The following NBAS variants were observed in gnomAD, a reference collection of about 807,000 sequenced individuals.
The protein encoded by NBAS is NBAS subunit of NRZ tethering complex.
In NBAS, 219 loss-of-function variants were observed where a neutral mutation model predicts 302.5. That is an observed-to-expected ratio of 0.72 (90% confidence interval 0.65 to 0.81). NBAS has a LOEUF of 0.81. Among genes scored for constraint, NBAS ranks in the 30% least tolerant of loss-of-function variants. The pLI is 0.00. For synonymous variants in NBAS, 1,118 were observed against 1,021.6 expected (o/e 1.09, Z -1.80); for missense variants, 2,932 against 2,841.6 (o/e 1.03, Z -0.72).
At chr2:15,102,401 A>G in the NBAS span, among the ~76,000 whole-genome samples, 2 of 152,180 alleles carry the variant, frequency 1.3e-5, no homozygotes, top group African/African-American at 4.8e-5. Context: ...CAATTAGGCA[A>G]TGTTTGAGGA....
intron 6 of NBAS, among the ~76,000 whole-genome samples, chr2:15,543,161 A>C (rs1663931492): frequency 6.6e-6 from 1 of 152,214 alleles, no homozygotes; most frequent in Non-Finnish European, 1.5e-5. Flanking sequence ...TGCATGGTGA[A>C]ATCAAGTCTA....
rs138595393 is a variant in NBAS at position 15,273,408 on chromosome 2, G to C, written c.5724+2076C>G. On this transcript the variant is annotated intron_variant, in intron 44 of 51. Coordinates refer to ENST00000281513, the MANE Select transcript of NBAS (RefSeq NM_015909.4). ...ATGCTCAGGGCTCTCTGGTTCCACTGCTCTCCCACAGTTTCTCAAATGGTT... is the reference window on the plus strand; with the variant it reads ...ATGCTCAGGGCTCTCTGGTTCCACTCCTCTCCCACAGTTTCTCAAATGGTT... Among the ~76,000 whole-genome samples the C allele has an allele frequency of 5.4e-3, 818 of 152,284 alleles. 4 individuals are homozygous for C. Among genetic ancestry groups the C allele is most frequent in the African/African-American group, 0.017 (703 of 41,556 alleles).
Position 15,366,301 on chromosome 2 carries a change from G to A in NBAS, c.3817+279C>T, listed in dbSNP as rs141871964. ...CCTGAATAAGCTTGTCTTCGTTTAA[G>A]TAATAGATAGTTCCAGAAGCTCAAT... On this transcript the variant is annotated intron_variant, in intron 32 of 51. Transcript: ENST00000281513. Among the ~76,000 whole-genome samples, 447 of 152,294 alleles carry A rather than the reference G, an allele frequency of 2.9e-3. 1 individual carries two copies. The highest frequency in any genetic ancestry group is 0.01 in the African/African-American group (418 of 41,572).
chr2:15,370,033 C>T (rs1363564932), intron 31 of NBAS, among the ~76,000 whole-genome samples: 3 of 152,178 alleles, frequency 2.0e-5, no homozygotes, highest in South Asian at 2.1e-4. Flanking sequence ...AGGTGTAACA[C>T]GCAGGAGTCA....
intron 48 of NBAS, among the ~76,000 whole-genome samples, chr2:15,206,749 A>G (rs1181116447): frequency 6.6e-6 from 1 of 152,242 alleles, no homozygotes; most frequent in Non-Finnish European, 1.5e-5. Flanking sequence ...CCAAGCCCCA[A>G]GACTTGGTGG....
intron 22 of NBAS, among the ~76,000 whole-genome samples, 198 bp from the exon 23 acceptor site, chr2:15,424,666 C>T (rs1489075626): frequency 6.6e-6 from 1 of 152,096 alleles, no homozygotes; most frequent in East Asian, 1.9e-4. Context: ...AATTTATTTT[C>T]CCCCCGTTTT....
At chr2:15,015,225 T>C in the NBAS span, among the ~76,000 whole-genome samples, 1 of 150,194 alleles carries the variant, frequency 6.7e-6, no homozygotes, top group East Asian at 1.9e-4. Flanking sequence ...AAAGTAATAC[T>C]AATTATTCTC....
At chr2:15,541,766 C>T (rs1159162316) in intron 6 of NBAS, among the ~76,000 whole-genome samples, 1 of 147,914 alleles carries the variant, frequency 6.8e-6, no homozygotes, top group Non-Finnish European at 1.5e-5. Flanking sequence ...GGGGGGTCAG[C>T]CCCCCGCCCA....
intron 51 of NBAS, among the ~76,000 whole-genome samples, chr2:15,168,015 C>A (rs1036898172): frequency 2.6e-5 from 4 of 152,152 alleles, no homozygotes; most frequent in African/African-American, 9.7e-5. Flanking sequence ...AAAACGGTTT[C>A]ATAGGTTCTT....
intron 21 of NBAS, among the ~76,000 whole-genome samples, chr2:15,434,745 A>C (rs1677928315): frequency 1.3e-5 from 2 of 152,222 alleles, no homozygotes. Context: ...GGTTGCCAGT[A>C]TTCCATTCAG....
At chr2:15,408,792 T>C (rs528194695) in intron 25 of NBAS, among the ~76,000 whole-genome samples, 41 of 152,324 alleles carry the variant, frequency 2.7e-4, no homozygotes, top group African/African-American at 8.9e-4. Flanking sequence ...TCTGAATCTA[T>C]AAAATGCGAA....
intron 28 of NBAS, among the ~76,000 whole-genome samples, chr2:15,384,159 T>G (rs928096054): frequency 1.3e-5 from 2 of 152,218 alleles, no homozygotes; most frequent in African/African-American, 2.4e-5. Context: ...TATAATCTGG[T>G]TGATTAAAAA....
chr2:14,989,204 C>T, the NBAS span, among the ~76,000 whole-genome samples: 2 of 151,702 alleles, frequency 1.3e-5, no homozygotes, highest in Admixed American at 6.6e-5. Context: ...TTTGTGTTTA[C>T]TGAATTGTAA....
chr2:15,136,994 G>C, the NBAS span, among the ~76,000 whole-genome samples: 2 of 152,100 alleles, frequency 1.3e-5, no homozygotes, highest in Non-Finnish European at 2.9e-5. Flanking sequence ...AAATTACCTA[G>C]TCTCAGGTAG....
intron 35 of NBAS, among the ~76,000 whole-genome samples, chr2:15,345,614 CA>C (rs2148281403): frequency 6.6e-6 from 1 of 152,292 alleles, no homozygotes; most frequent in South Asian, 2.1e-4. Flanking sequence ...CTATTCCCAT[CA>C]AACTACCACT....
chr2:15,319,576 T>C (rs1390196160), intron 38 of NBAS, among the ~76,000 whole-genome samples: 1 of 151,658 alleles, frequency 6.6e-6, no homozygotes, highest in African/African-American at 2.4e-5. Context: ...TCACCACCGA[T>C]CCCACAGAAA....
At chr2:14,796,919 C>CAAAAA in the NBAS span, among the ~76,000 whole-genome samples, 10,523 of 86,106 alleles carry the variant, frequency 0.12, 610 homozygotes, top group Non-Finnish European at 0.16. Flanking sequence ...CTAAAAAATA[C>CAAAAA]AAAAAAAAAA....
chr2:15,541,618 ATT>A (rs1466480669), intron 6 of NBAS, among the ~76,000 whole-genome samples: 9 of 152,088 alleles, frequency 5.9e-5, no homozygotes, highest in Non-Finnish European at 1.2e-4. Flanking sequence ...AGTCTAATTA[ATT>A]TTATTAAAGC....
chr2:14,797,217 C>T, the NBAS span, among the ~76,000 whole-genome samples: 1 of 152,162 alleles, frequency 6.6e-6, no homozygotes, highest in Admixed American at 6.5e-5. Flanking sequence ...CCCCTCTCCG[C>T]TGAGAGATGT....
Sources: allele counts gnomAD v4.1 joint callset (sites outside exome capture counted in the v4.1 genomes callset), GRCh38; gene constraint gnomAD v4.1.1; transcripts MANE v1.5; gene names NCBI Gene and HGNC (gene_info 2026-07-23, HGNC 2026-07-21).